TSC22D3: variants seen among roughly 807,000 people sequenced by gnomAD.
TSC22D3 encodes TSC22 domain family member 3.
A neutral mutation model predicts 11.1 loss-of-function variants in TSC22D3; 4 were observed. The observed-to-expected ratio is 0.36, with a 90% CI of 0.18 to 0.83. The LOEUF (loss-of-function observed/expected upper bound fraction) is 0.83. Among genes scored for constraint, TSC22D3 ranks in the 40% least tolerant of loss-of-function variants. The pLI is 0.48. For missense variants in TSC22D3, 118 were observed against 159.4 expected (o/e 0.74, Z 1.40); for synonymous variants, 77 against 70.3 (o/e 1.10, Z -0.48).
intron 1 of TSC22D3, among the ~76,000 whole-genome samples, chrX:107,754,813 T>A (rs1569453220): frequency 1.8e-5 from 2 of 112,412 alleles, no homozygotes; most frequent in African/African-American, 6.5e-5. Context: ...GTTAACCCAT[T>A]TATGACAGAG....
At chrX:107,721,269 A>G (rs999972502) in intron 1 of TSC22D3, among the ~76,000 whole-genome samples, 4 of 112,100 alleles carry the variant, frequency 3.6e-5, no homozygotes, top group African/African-American at 1.3e-4. Flanking sequence ...ATTCCCTTTG[A>G]GCTGAAAGAA....
In TSC22D3 at chrX:107,775,406, T is replaced by G. The variant is rs1275618130; in HGVS notation, c.14A>C (p.Lys5Thr). 8.4e-7 allele frequency: 1 copy of G among 1,184,202 alleles called. No individual in the cohort carries two copies. The highest frequency in any genetic ancestry group is 1.1e-6 in the Non-Finnish European group (1 of 880,737). ...GCCGACAGGTGAGCGGCAATCGAGC[T>G]TGGACTGGGCCATCTTCTCAGGCTC... is the stretch of plus-strand genomic sequence containing the variant. MAQS[K>T]LDCRSPVGLD... Residue 5 changes from lysine (K) to threonine (T), a missense_variant, in exon 1 of 3, where the codon AAG becomes ACG. Coordinates refer to ENST00000372383, the MANE Select transcript of TSC22D3 (RefSeq NM_198057.3).
At chrX:107,753,997 C>T (rs1429392294) in intron 1 of TSC22D3, among the ~76,000 whole-genome samples, 1 of 109,448 alleles carries the variant, frequency 9.1e-6, no homozygotes, top group African/African-American at 3.3e-5. Context: ...CTCACTGCAA[C>T]CTCCGCCTCC....
intron 1 of TSC22D3, among the ~76,000 whole-genome samples, chrX:107,774,140 C>T (rs1930026064): frequency 8.9e-6 from 1 of 111,761 alleles, no homozygotes; most frequent in Non-Finnish European, 1.9e-5. Context: ...CTCGCTTATA[C>T]ACTCACACAC....
chrX:107,722,105 T>C, intron 1 of TSC22D3: 1 of 317,080 alleles, frequency 3.2e-6, no homozygotes, highest in Non-Finnish European at 5.5e-6. Context: ...CTGTGGATCA[T>C]GTGAACTGCC....
At chrX:107,744,533 A>T (rs1324995584) in intron 1 of TSC22D3, among the ~76,000 whole-genome samples, 5 of 111,986 alleles carry the variant, frequency 4.5e-5, no homozygotes, top group Non-Finnish European at 9.4e-5. Flanking sequence ...AGCATCAAAG[A>T]AAACTGTGCC....
chrX:107,742,872 C>A (rs776876400), intron 1 of TSC22D3, among the ~76,000 whole-genome samples: 1 of 112,047 alleles, frequency 8.9e-6, no homozygotes, highest in African/African-American at 3.2e-5. Context: ...TCACATCATC[C>A]GCGAGAGATC....
At chrX:107,774,764 G>A in intron 1 of TSC22D3, 1 of 276,502 alleles carries the variant, frequency 3.6e-6, no homozygotes, top group Non-Finnish European at 6.4e-6. Context: ...AGACCCCATG[G>A]CAGAATCTCC....
intron 1 of TSC22D3, among the ~76,000 whole-genome samples, chrX:107,730,105 G>A (rs1276747499): frequency 1.8e-5 from 2 of 112,430 alleles, no homozygotes; most frequent in African/African-American, 3.2e-5. Context: ...ATTAGATAAC[G>A]TTAATTTTTT....
chrX:107,756,250 T>C (rs1038019822), intron 1 of TSC22D3, among the ~76,000 whole-genome samples: 2 of 112,368 alleles, frequency 1.8e-5, no homozygotes, highest in African/African-American at 6.5e-5. Context: ...CTGAGTATTG[T>C]TGTTTACTTA....
intron 1 of TSC22D3, among the ~76,000 whole-genome samples, chrX:107,770,881 C>T (rs1460084137): frequency 1.8e-5 from 2 of 112,129 alleles, no homozygotes; most frequent in South Asian, 3.7e-4. Flanking sequence ...CTGCTGTTTG[C>T]CCAGAATATT....
chrX:107,761,937 A>G (rs910377806), intron 1 of TSC22D3, among the ~76,000 whole-genome samples: 2 of 111,735 alleles, frequency 1.8e-5, no homozygotes, highest in East Asian at 2.8e-4. Context: ...TGGATTTTCT[A>G]ATTCTGGGTG....
At chrX:107,737,325 C>T (rs1025802193) in intron 1 of TSC22D3, among the ~76,000 whole-genome samples, 17 of 112,293 alleles carry the variant, frequency 1.5e-4, no homozygotes, top group Non-Finnish European at 3.2e-4. Context: ...CCAGGAGCTA[C>T]TCAAAACTCC....
chrX:107,751,219 G>A (rs996447936), intron 1 of TSC22D3, among the ~76,000 whole-genome samples: 2 of 112,036 alleles, frequency 1.8e-5, no homozygotes, highest in African/African-American at 3.2e-5. Flanking sequence ...GGAAGAGGTC[G>A]TTATGTTGAC....
At chrX:107,752,782 G>A (rs1425227022) in intron 1 of TSC22D3, among the ~76,000 whole-genome samples, 3 of 111,889 alleles carry the variant, frequency 2.7e-5, no homozygotes, top group African/African-American at 9.8e-5. Context: ...TAATGAGGTT[G>A]CCAAGGGAGC....
At chrX:107,738,807 G>A (rs1231645800) in intron 1 of TSC22D3, among the ~76,000 whole-genome samples, 2 of 112,877 alleles carry the variant, frequency 1.8e-5, no homozygotes, top group African/African-American at 3.2e-5. Context: ...GCTAGGGCCC[G>A]GTCACTGTGG....
chrX:107,716,851 GGGCTGGGC>G, intron 1 of TSC22D3: 2 of 1,203,189 alleles, frequency 1.7e-6, no homozygotes, highest in Middle Eastern at 2.4e-4. Context: ...GTTTCGTGCG[GGGCTGGGC>G]GGCTGGGCGG....
chrX:107,719,853 G>A (rs906910805), intron 1 of TSC22D3, among the ~76,000 whole-genome samples: 2 of 111,791 alleles, frequency 1.8e-5, no homozygotes, highest in Non-Finnish European at 3.8e-5. Context: ...GAGCTGCAAT[G>A]GGTGACTGGA....
At chrX:107,739,336 T>C (rs1458901405) in intron 1 of TSC22D3, among the ~76,000 whole-genome samples, 1 of 112,779 alleles carries the variant, frequency 8.9e-6, no homozygotes, top group Non-Finnish European at 1.9e-5. Flanking sequence ...GTCACAAGGT[T>C]AACTGGCACT....
Sources: gnomAD v4.1 joint callset for allele counts (sites outside exome capture counted in the v4.1 genomes callset) on GRCh38, gnomAD v4.1.1 for gene constraint, MANE v1.5 for transcripts, NCBI Gene and HGNC (gene_info 2026-07-23, HGNC 2026-07-21) for gene names.